Variants in MRPS28 observed in about 807,000 individuals in gnomAD.
The protein encoded by MRPS28 is small ribosomal subunit protein bS1m.
Under a neutral mutation model 10.8 loss-of-function variants are expected in MRPS28, and 7 were observed. The ratio of observed to expected loss-of-function variants is 0.65; its 90% confidence interval spans 0.37 to 1.22. The LOEUF (loss-of-function observed/expected upper bound fraction) is 1.22, where lower values mean the gene tolerates loss of function less well. Ranked by LOEUF, MRPS28 falls within the 50% of genes most tolerant of loss-of-function variation. The probability of loss-of-function intolerance (pLI) is 0.02; values close to 1 mark genes in which losing one functional copy is unlikely to be tolerated. For missense variants in MRPS28, 265 were observed against 232.9 expected, an observed-to-expected ratio of 1.14 and a Z score of -0.90; for synonymous variants, 121 against 93.3, an observed-to-expected ratio of 1.30 and a Z score of -1.71.
intron 2 of MRPS28, among the ~76,000 whole-genome samples, chr8:79,977,834 A>AATC (rs911348807): frequency 1.3e-5 from 2 of 151,566 alleles, no homozygotes; most frequent in African/African-American, 2.4e-5. Flanking sequence ...TAATAATAAT[A>AATC]ATAATACATA....
chr8:80,018,271 G>T (rs1422367751), intron 1 of MRPS28, among the ~76,000 whole-genome samples: 1 of 131,842 alleles, frequency 7.6e-6, no homozygotes, highest in African/African-American at 3.0e-5. Flanking sequence ...AATCCAGCCT[G>T]GGAGACAGAG....
intron 2 of MRPS28, among the ~76,000 whole-genome samples, chr8:79,949,831 A>G (rs895453629): frequency 6.6e-6 from 1 of 152,214 alleles, no homozygotes; most frequent in Non-Finnish European, 1.5e-5. Context: ...ATTGGATATG[A>G]TTATAAAATT....
intron 1 of MRPS28, among the ~76,000 whole-genome samples, chr8:80,027,685 A>G (rs2130259910): frequency 6.6e-6 from 1 of 152,368 alleles, no homozygotes; most frequent in South Asian, 2.1e-4. Flanking sequence ...GGGTTCACGT[A>G]AACTTCAAAT....
chr8:79,975,797 C>A (rs1807780867), intron 2 of MRPS28, among the ~76,000 whole-genome samples: 1 of 151,946 alleles, frequency 6.6e-6, no homozygotes, highest in African/African-American at 2.4e-5. Flanking sequence ...GTACAACCAA[C>A]CTATCCAGTT....
intron 2 of MRPS28, among the ~76,000 whole-genome samples, chr8:79,934,122 T>A (rs1806541680): frequency 6.6e-6 from 1 of 152,186 alleles, no homozygotes; most frequent in South Asian, 2.1e-4. Context: ...TTGACAAGAT[T>A]GAAGGAAATA....
chr8:79,975,815 T>G (rs1007026213), intron 2 of MRPS28, among the ~76,000 whole-genome samples: 1 of 152,166 alleles, frequency 6.6e-6, no homozygotes, highest in Non-Finnish European at 1.5e-5. Flanking sequence ...GTTCCTCCAC[T>G]CTAAATAATT....
At chr8:79,972,416 A>C (rs441958) in intron 2 of MRPS28, among the ~76,000 whole-genome samples, 152,299 of 152,304 alleles carry the variant, frequency 1, 76,147 homozygotes, top group Middle Eastern at 1. Flanking sequence ...TTGTTTCCAC[A>C]TTTTGGCTAT....
In MRPS28 at chr8:80,013,909, C is replaced by T. The variant is rs188350594; in HGVS notation, c.214-10729G>A. ...TAAGGTACTTACATTTATCTCTCTC[C>T]CTCCTGAAATCCCATTAAATGATGG... On this transcript the variant is annotated intron_variant, in intron 1 of 2. Coordinates refer to ENST00000276585, the MANE Select transcript of MRPS28 (RefSeq NM_014018.3). Among the ~76,000 whole-genome samples the T allele has an allele frequency of 5.4e-3, 821 of 152,000 alleles. 6 individuals are homozygous for T. Among genetic ancestry groups the T allele is most frequent in the African/African-American group, 0.019 (782 of 41,452 alleles).
At chr8:80,019,690 C>T (rs1809301968) in intron 1 of MRPS28, among the ~76,000 whole-genome samples, 2 of 151,936 alleles carry the variant, frequency 1.3e-5, no homozygotes, top group Non-Finnish European at 2.9e-5. Context: ...AGAAATAAAA[C>T]TGTGTATGAT....
chr8:79,958,856 A>G (rs567902399), intron 2 of MRPS28, among the ~76,000 whole-genome samples: 2 of 152,232 alleles, frequency 1.3e-5, no homozygotes, highest in South Asian at 4.1e-4. Flanking sequence ...AATTCACTTA[A>G]ATTAAGCAAA....
At chr8:79,973,901 T>C (rs1003913676) in intron 2 of MRPS28, among the ~76,000 whole-genome samples, 6 of 151,536 alleles carry the variant, frequency 4.0e-5, no homozygotes, top group African/African-American at 7.3e-5. Context: ...AGGTCGTGCA[T>C]AGAAATCTAA....
At chr8:80,009,602 G>A (rs1394739387) in intron 1 of MRPS28, among the ~76,000 whole-genome samples, 1 of 151,580 alleles carries the variant, frequency 6.6e-6, no homozygotes, top group African/African-American at 2.4e-5. Flanking sequence ...GGCAACAAGA[G>A]CCAAACTGTC....
At chr8:79,975,958 T>A (rs1480595256) in intron 2 of MRPS28, among the ~76,000 whole-genome samples, 1 of 152,218 alleles carries the variant, frequency 6.6e-6, no homozygotes, top group Non-Finnish European at 1.5e-5. Flanking sequence ...TGCTATGCAG[T>A]CTTTAACAAT....
At chr8:80,024,688 T>C (rs539952857) in intron 1 of MRPS28, among the ~76,000 whole-genome samples, 2 of 152,302 alleles carry the variant, frequency 1.3e-5, no homozygotes, top group South Asian at 4.1e-4. Context: ...TATTCAACCA[T>C]CAAACTGTTT....
At chr8:79,989,874 C>T (rs1808306475) in intron 2 of MRPS28, among the ~76,000 whole-genome samples, 1 of 152,144 alleles carries the variant, frequency 6.6e-6, no homozygotes, top group African/African-American at 2.4e-5. Context: ...CACAACATGA[C>T]CAGGCACAGT....
chr8:80,011,496 G>A (rs1809049317), intron 1 of MRPS28, among the ~76,000 whole-genome samples: 1 of 151,262 alleles, frequency 6.6e-6, no homozygotes, highest in Non-Finnish European at 1.5e-5. Flanking sequence ...GCTCACGCCT[G>A]TGATCCCAGC....
In MRPS28 at chr8:79,984,115, A is replaced by G. The variant is rs1293135618; in HGVS notation, c.395+18884T>C. Among the ~76,000 whole-genome samples, 5 of 152,256 alleles carry G rather than the reference A, an allele frequency of 3.3e-5. No individual in the cohort carries two copies. In the East Asian group the frequency reaches 9.6e-4, roughly 29 times the overall value. ...ACAAGCCAGAAGAGAGTGGGGGCCAATATTCAACATTCTTAAAGAAAAGAA... is the reference window on the plus strand; with the variant it reads ...ACAAGCCAGAAGAGAGTGGGGGCCAGTATTCAACATTCTTAAAGAAAAGAA... On this transcript the variant is annotated intron_variant, in intron 2 of 2. Transcript: ENST00000276585.
At chr8:79,975,966 A>G (rs1807785093) in intron 2 of MRPS28, among the ~76,000 whole-genome samples, 3 of 152,204 alleles carry the variant, frequency 2.0e-5, no homozygotes, top group Non-Finnish European at 2.9e-5. Context: ...AGTCTTTAAC[A>G]ATTTTGTTTA....
intron 2 of MRPS28, among the ~76,000 whole-genome samples, chr8:79,919,646 T>C (rs1810019067): frequency 6.6e-6 from 1 of 152,154 alleles, no homozygotes; most frequent in South Asian, 2.1e-4. Flanking sequence ...ATTTTCATCT[T>C]AAAAGTTGCC....
Sources: allele counts gnomAD v4.1 joint callset (sites outside exome capture counted in the v4.1 genomes callset), GRCh38; gene constraint gnomAD v4.1.1; transcripts MANE v1.5; gene names NCBI Gene and HGNC (gene_info 2026-07-23, HGNC 2026-07-21).